The following PRICKLE2 variants were observed in gnomAD, a reference collection of about 807,000 sequenced individuals.
PRICKLE2 encodes the protein prickle planar cell polarity protein 2.
Under a neutral mutation model 81.4 loss-of-function variants are expected in PRICKLE2, and 21 were observed. The observed-to-expected ratio is 0.26, with a 90% CI of 0.18 to 0.37. The LOEUF (loss-of-function observed/expected upper bound fraction) is 0.37, where lower values mean the gene tolerates loss of function less well. Among genes scored for constraint, PRICKLE2 ranks in the 10% least tolerant of loss-of-function variants. The probability of loss-of-function intolerance (pLI) is 1.00; values close to 1 mark genes in which losing one functional copy is unlikely to be tolerated. For missense variants in PRICKLE2, 940 were observed against 1,109.0 expected, an observed-to-expected ratio of 0.85 and a Z score of 2.16; for synonymous variants, 456 against 421.5, an observed-to-expected ratio of 1.08 and a Z score of -1.00.
chr3:64,177,608 T>G (rs2078048860), intron 2 of PRICKLE2, among the ~76,000 whole-genome samples: 1 of 152,146 alleles, frequency 6.6e-6, no homozygotes, highest in African/African-American at 2.4e-5. Context: ...AACCTCTAAT[T>G]TACTGTCTGT....
chr3:64,103,935 G>A (rs2076710577), intron 7 of PRICKLE2, among the ~76,000 whole-genome samples: 1 of 152,162 alleles, frequency 6.6e-6, no homozygotes, highest in Non-Finnish European at 1.5e-5. Flanking sequence ...AGCCGAGATT[G>A]TGCAACTGTG....
At chr3:64,201,889 T>C (rs1017927201) in intron 1 of PRICKLE2, among the ~76,000 whole-genome samples, 3 of 152,240 alleles carry the variant, frequency 2.0e-5, no homozygotes, top group African/African-American at 4.8e-5. Context: ...TTTAGGTCTA[T>C]GGTCCATTTT....
chr3:64,240,436 C>G (rs988413654), intron 2 of PRICKLE2, among the ~76,000 whole-genome samples: 2 of 152,124 alleles, frequency 1.3e-5, no homozygotes, highest in Admixed American at 6.5e-5. Flanking sequence ...TGGAGTTGGG[C>G]CTGAATGGAG....
At chr3:64,157,119 G>A in intron 5 of PRICKLE2, 43 bp downstream of exon 5, 1 of 1,559,970 alleles carries the variant, frequency 6.4e-7, no homozygotes, top group Non-Finnish European at 8.8e-7. Flanking sequence ...ATGGTGCAAT[G>A]AAGGGGTGAT....
intron 2 of PRICKLE2, among the ~76,000 whole-genome samples, chr3:64,185,310 A>G (rs2078207631): frequency 1.3e-5 from 2 of 152,140 alleles, no homozygotes; most frequent in Non-Finnish European, 2.9e-5. Context: ...TGCTGCTAGA[A>G]TTTTTGGTAT....
At chr3:64,210,458 G>C (rs2078767064) in intron 1 of PRICKLE2, among the ~76,000 whole-genome samples, 1 of 152,110 alleles carries the variant, frequency 6.6e-6, no homozygotes, top group South Asian at 2.1e-4. Flanking sequence ...GACGGGGCCA[G>C]CTGGGTATGA....
chr3:64,119,850 T>A (rs1575559334), intron 7 of PRICKLE2, among the ~76,000 whole-genome samples: 1 of 152,234 alleles, frequency 6.6e-6, no homozygotes, highest in South Asian at 2.1e-4. Context: ...ATGTGGGGCA[T>A]GTACACCATG....
intron 1 of PRICKLE2, among the ~76,000 whole-genome samples, chr3:64,218,799 T>C (rs971026124): frequency 6.6e-6 from 1 of 152,178 alleles, no homozygotes; most frequent in Non-Finnish European, 1.5e-5. Flanking sequence ...ATGCCTATTA[T>C]AAAGGTAGTT....
At chr3:64,169,367 A>G (rs547268400) in intron 2 of PRICKLE2, among the ~76,000 whole-genome samples, 1 of 152,340 alleles carries the variant, frequency 6.6e-6, no homozygotes, top group South Asian at 2.1e-4. Context: ...TGGAGCCACC[A>G]GACTAACCCT....
intron 2 of PRICKLE2, among the ~76,000 whole-genome samples, chr3:64,242,705 G>A (rs574250975): frequency 1.8e-4 from 28 of 152,326 alleles, no homozygotes; most frequent in African/African-American, 6.7e-4. Context: ...CTTTACAGCT[G>A]CTTCTCTTTG....
intron 2 of PRICKLE2, among the ~76,000 whole-genome samples, chr3:64,264,819 C>T (rs1471506107): frequency 2.6e-5 from 4 of 152,184 alleles, no homozygotes; most frequent in Admixed American, 6.5e-5. Flanking sequence ...CACGTATACG[C>T]TCCCTGTGGA....
intron 7 of PRICKLE2, among the ~76,000 whole-genome samples, chr3:64,121,918 A>C (rs1480125758): frequency 6.6e-6 from 1 of 152,192 alleles, no homozygotes; most frequent in Non-Finnish European, 1.5e-5. Flanking sequence ...CTCTCCTCTG[A>C]ACCTTGGCTT....
At chr3:64,236,118 C>T (rs985075676) in intron 2 of PRICKLE2, among the ~76,000 whole-genome samples, 15 of 152,238 alleles carry the variant, frequency 9.9e-5, no homozygotes, top group African/African-American at 2.9e-4. Context: ...AAATAATTTT[C>T]GGCAAATGAT....
At chr3:64,110,329 A>T (rs968295626) in intron 7 of PRICKLE2, among the ~76,000 whole-genome samples, 2 of 152,206 alleles carry the variant, frequency 1.3e-5, no homozygotes, top group African/African-American at 4.8e-5. Flanking sequence ...CAAGTGGTAG[A>T]GAGTGGGCAG....
chr3:64,149,375 C>T (rs2077507834), intron 6 of PRICKLE2, among the ~76,000 whole-genome samples: 1 of 152,200 alleles, frequency 6.6e-6, no homozygotes, highest in African/African-American at 2.4e-5. Flanking sequence ...CCTCTCATTG[C>T]TTTTTCTAAG....
At chr3:64,119,210 G>T (rs2076988173) in intron 7 of PRICKLE2, among the ~76,000 whole-genome samples, 1 of 152,104 alleles carries the variant, frequency 6.6e-6, no homozygotes, top group African/African-American at 2.4e-5. Context: ...ACACACACTG[G>T]GATCTATTGG....
intron 7 of PRICKLE2, among the ~76,000 whole-genome samples, chr3:64,119,322 C>T (rs2076990203): frequency 6.6e-6 from 1 of 152,264 alleles, no homozygotes. Context: ...CCCCATAACA[C>T]AAGTTTACCT....
intron 2 of PRICKLE2, among the ~76,000 whole-genome samples, chr3:64,256,943 A>C (rs1253211723): frequency 1.3e-5 from 2 of 152,210 alleles, no homozygotes; most frequent in African/African-American, 4.8e-5. Context: ...AATTTCATTT[A>C]AATTTTTCTG....
In PRICKLE2 at chr3:64,259,864, T is replaced by C. The variant is rs528644439; in HGVS notation, c.129-60897A>G. ...CCAGAGACAGCCAACACCCTGACTT[T>C]CAAACTTCTGGCTTCCAGAACAGTA... On this transcript the variant is annotated intron_variant, in intron 2 of 8. Transcript: ENST00000295902. Among the ~76,000 whole-genome samples, 333 of 152,280 alleles carry C rather than the reference T, an allele frequency of 2.2e-3. 1 individual carries two copies. The highest frequency in any genetic ancestry group is 7.8e-3 in the African/African-American group (322 of 41,548).
Sources: allele counts gnomAD v4.1 joint callset (sites outside exome capture counted in the v4.1 genomes callset), GRCh38; gene constraint gnomAD v4.1.1; transcripts MANE v1.5; gene names NCBI Gene and HGNC (gene_info 2026-07-23, HGNC 2026-07-21).